Variants in DMXL2 observed in about 807,000 individuals in gnomAD.
DMXL2 encodes dmX-like protein 2.
Under a neutral mutation model 331.1 loss-of-function variants are expected in DMXL2, and 103 were observed. The ratio of observed to expected loss-of-function variants is 0.31; its 90% CI spans 0.27 to 0.37. The LOEUF (loss-of-function observed/expected upper bound fraction) is 0.37, where lower values mean the gene tolerates loss of function less well. Among genes scored for constraint, DMXL2 ranks in the 10% least tolerant of loss-of-function variants. The pLI, the probability that DMXL2 is intolerant of heterozygous loss-of-function variation, is 1.00. For synonymous variants in DMXL2, 1,281 were observed against 1,252.1 expected (o/e 1.02, Z -0.49); for missense variants, 3,171 against 3,642.9 (o/e 0.87, Z 3.33).
At chr15:51,484,927 T>C (rs1246924243) in intron 23 of DMXL2, among the ~76,000 whole-genome samples, 1 of 147,940 alleles carries the variant, frequency 6.8e-6, no homozygotes, top group Non-Finnish European at 1.5e-5. Flanking sequence ...AAAAATTCAA[T>C]GAATGAAATA....
rs759172186 is a variant in DMXL2, at chr15:51,517,045, A to G, written c.2526+33T>C. On this transcript the variant is annotated intron_variant, in intron 14 of 43. Coordinates refer to ENST00000560891, the MANE Select transcript of DMXL2 (RefSeq NM_001378457.1). ...TATAAAACACCATGGGATAAAGTAT[A>G]CGAATATCACCAATTCACAAGCATG... is the stretch of plus-strand genomic sequence containing the variant. 5.2e-6 allele frequency: 8 copies of G among 1,525,978 alleles called. No individual in the cohort carries two copies. The East Asian group carries it at 1.8e-4, about 34-fold the overall frequency. 94.5% of individuals were successfully genotyped at this position (1,525,978 alleles called of 1,614,324 possible).
At chr15:51,559,443 A>C (rs924182628) in intron 6 of DMXL2, among the ~76,000 whole-genome samples, 8 of 152,230 alleles carry the variant, frequency 5.3e-5, no homozygotes, top group African/African-American at 1.7e-4. Context: ...GGCCAGGCAC[A>C]GTGGCTCACG....
intron 1 of DMXL2, among the ~76,000 whole-genome samples, chr15:51,609,402 T>C (rs2053804735): frequency 6.6e-6 from 1 of 152,218 alleles, no homozygotes; most frequent in South Asian, 2.1e-4. Flanking sequence ...CCACGTAACA[T>C]TCTACAACGG....
chr15:51,532,491 A>G (rs1190935020), intron 13 of DMXL2, among the ~76,000 whole-genome samples: 1 of 152,202 alleles, frequency 6.6e-6, no homozygotes, highest in African/African-American at 2.4e-5. Flanking sequence ...ACTATAGTCA[A>G]TAATTTAATT....
chr15:51,476,271 A>G (rs1446219056), intron 27 of DMXL2, among the ~76,000 whole-genome samples: 1 of 152,162 alleles, frequency 6.6e-6, no homozygotes, highest in Non-Finnish European at 1.5e-5. Context: ...CTGTGAAAAT[A>G]TGTCTGTGAT....
chr15:51,507,383 G>A, intron 15 of DMXL2, 130 bp from the exon 16 acceptor site: 1 of 841,714 alleles, frequency 1.2e-6, no homozygotes. Flanking sequence ...AGACTTTAAG[G>A]AGGAGTTTTA....
At chr15:51,605,934 T>C (rs1480430661) in intron 1 of DMXL2, among the ~76,000 whole-genome samples, 2 of 152,174 alleles carry the variant, frequency 1.3e-5, no homozygotes, top group African/African-American at 4.8e-5. Context: ...GGCCAAAATC[T>C]AAGAGAAAAG....
chr15:51,479,943 A>G lies in DMXL2; in HGVS notation c.6756+5T>C. On this transcript the variant is annotated splice_donor_5th_base_variant and intron_variant, in intron 25 of 43. Coordinates refer to ENST00000560891, the MANE Select transcript of DMXL2 (RefSeq NM_001378457.1). The stretch of plus-strand genomic sequence containing the variant: ...AATATCAAATGATCATAAACTTTAC[A>G]TTACCTTCACATCTTCAATACTGGG... 6.0e-6 allele frequency: 9 copies of G among 1,488,964 alleles called. No homozygotes were observed. Among genetic ancestry groups the G allele is most frequent in the Non-Finnish European group, 7.2e-6 (8 of 1,106,126 alleles). 92.2% of individuals were successfully genotyped at this position (1,488,964 alleles called of 1,614,324 possible).
In DMXL2 at chr15:51,481,323, G is replaced by A. The variant is rs1363661085; in HGVS notation, c.5783C>T (p.Ser1928Phe). The A allele has an allele frequency of 2.5e-6, 4 of 1,614,114 alleles. No individual in the cohort carries two copies. The highest frequency in any genetic ancestry group is 1.7e-5 in the Admixed American group (1 of 60,014). ...SAKKDQPDFI[S>F]HRMDDVPSHS... is the part of the protein sequence containing the mutation. ...TGAAGGTACATCATCCATCCTGTGA[G>A]AAATGAAGTCAGGCTGATCTTTTTT... Residue 1928 changes from serine to phenylalanine, a missense_variant, in exon 24 of 44, where the codon TCT becomes TTT. This residue lies in a region of DMXL2 where 244 missense variants were observed against 251.4 expected (regional missense o/e 0.97). Transcript: ENST00000560891.
At chr15:51,576,277 T>A (rs1410258469) in intron 1 of DMXL2, 96 bp from the exon 2 acceptor site, 1 of 932,290 alleles carries the variant, frequency 1.1e-6, no homozygotes, top group African/African-American at 1.7e-5. Context: ...TTATTGCCAT[T>A]ATAAAGTATA....
chr15:51,498,987 C>T lies in DMXL2; in HGVS notation c.4237G>A (p.Gly1413Arg). The T allele has an allele frequency of 1.2e-6, 2 of 1,613,990 alleles. No individual in the cohort carries two copies. Among genetic ancestry groups the T allele is most frequent in the South Asian group, 2.2e-5 (2 of 91,078 alleles). The change falls in exon 18 of 44, where the codon GGA (glycine) becomes AGA (arginine). Residue 1413 changes from glycine to arginine, a missense_variant. Transcript: ENST00000560891. Reference sequence around the variant, plus strand: ...GTATAATCTCGAGTACCATCTTTTCCTACGGTGACTGTTTCCTTTGCTGTA... The same window carrying T: ...GTATAATCTCGAGTACCATCTTTTCTTACGGTGACTGTTTCCTTTGCTGTA... Reference protein sequence around the residue: ...GSTAKETVTVGKDGTRDYTEI... With the variant: ...GSTAKETVTVRKDGTRDYTEI...
At chr15:51,542,923 T>C (rs117184107) in intron 8 of DMXL2, among the ~76,000 whole-genome samples, 4,082 of 152,104 alleles carry the variant, frequency 0.027, 86 homozygotes, top group Middle Eastern at 0.044. Context: ...AACAGCCAGC[T>C]AAACAATCAA....
rs1025721107 is a variant in DMXL2 at position 51,521,611 on chromosome 15, T to C, written c.2437-4444A>G. ...CTATGAGCATCCATCCTATATTTTATAGAAGGAATGGACAGCATCAATGAA... is the reference window on the plus strand; with the variant it reads ...CTATGAGCATCCATCCTATATTTTACAGAAGGAATGGACAGCATCAATGAA... On this transcript the variant is annotated intron_variant, in intron 13 of 43. Coordinates refer to ENST00000560891, the MANE Select transcript of DMXL2 (RefSeq NM_001378457.1). 7.2e-5 allele frequency among the ~76,000 whole-genome samples: 11 copies of C among 152,152 alleles called. No individual in the cohort carries two copies. In the South Asian group the frequency reaches 8.3e-4, roughly 11 times the overall value.
rs975801708 is a variant in DMXL2, at chr15:51,503,580, T to C, written c.2765-547A>G. ...AGATACCAGAGAATGGGAAGGGTTG[T>C]GGGGTGGGTGAAGAGACTCTTTAAT... On this transcript the variant is annotated intron_variant, in intron 16 of 43. Transcript: ENST00000560891. Among the ~76,000 whole-genome samples, 11 of 152,144 alleles carry C rather than the reference T, an allele frequency of 7.2e-5. No homozygotes were observed. In the East Asian group the frequency reaches 2.1e-3, roughly 29 times the overall value.
intron 27 of DMXL2, among the ~76,000 whole-genome samples, chr15:51,475,981 G>C (rs1049588074): frequency 2.6e-5 from 4 of 152,170 alleles, no homozygotes; most frequent in African/African-American, 9.6e-5. Flanking sequence ...TATTATGTTT[G>C]CAATTTTTTG....
At chr15:51,518,020 T>G (rs537655468) in intron 13 of DMXL2, among the ~76,000 whole-genome samples, 1 of 152,178 alleles carries the variant, frequency 6.6e-6, no homozygotes, top group Non-Finnish European at 1.5e-5. Flanking sequence ...TTTAAAGTGT[T>G]AGCTCAGACA....
At position 51,542,409 on chromosome 15, in the gene DMXL2, T is replaced by C; in HGVS notation, c.1029A>G (p.Glu343=). The C allele has an allele frequency of 1.9e-6, 3 of 1,613,852 alleles. No homozygotes were observed. Among genetic ancestry groups the C allele is most frequent in the Non-Finnish European group, 2.5e-6 (3 of 1,179,842 alleles). Residue 343 remains glutamate (E), a synonymous_variant, in exon 9 of 44, where the codon GAA becomes GAG. Coordinates refer to ENST00000560891, the MANE Select transcript of DMXL2 (RefSeq NM_001378457.1). ...ELMPDQTAMH[E]VQRHISHHAN... Reference sequence around the variant, plus strand: ...CATGGTGGGAAATGTGTCTTTGAACTTCATGCATTGCTGTCTGGTCGGGCA... The same window carrying C: ...CATGGTGGGAAATGTGTCTTTGAACCTCATGCATTGCTGTCTGGTCGGGCA...
At chr15:51,571,738 T>A (rs866140376) in intron 2 of DMXL2, among the ~76,000 whole-genome samples, 1 of 152,140 alleles carries the variant, frequency 6.6e-6, no homozygotes, top group South Asian at 2.1e-4. Flanking sequence ...CTGAAACCAA[T>A]GAGAACAAAG....
intron 1 of DMXL2, among the ~76,000 whole-genome samples, chr15:51,599,524 A>G (rs1359627235): frequency 6.6e-6 from 1 of 152,230 alleles, no homozygotes; most frequent in Non-Finnish European, 1.5e-5. Context: ...ATATCTCTAT[A>G]CCTATACATC....
Sources: gnomAD v4.1 joint callset for allele counts (sites outside exome capture counted in the v4.1 genomes callset) on GRCh38, gnomAD v4.1.1 for gene constraint, gnomAD v4.1.1 regional missense constraint, MANE v1.5 for transcripts, NCBI Gene and HGNC (gene_info 2026-07-23, HGNC 2026-07-21) for gene names.